The following ITGA1 variants were observed in gnomAD, a reference collection of about 807,000 sequenced individuals.
The protein encoded by ITGA1 is integrin alpha-1.
In ITGA1, 85 loss-of-function variants were observed where a neutral mutation model predicts 145.9. The observed-to-expected ratio is 0.58, with a 90% CI of 0.49 to 0.70. The LOEUF (loss-of-function observed/expected upper bound fraction) is 0.70, where lower values mean the gene tolerates loss of function less well. ITGA1 is among the 30% of genes least tolerant of loss of function. The pLI, the probability that ITGA1 is intolerant of heterozygous loss-of-function variation, is 0.00. For synonymous variants in ITGA1, 520 were observed against 495.3 expected (o/e 1.05, Z -0.66); for missense variants, 1,351 against 1,418.7 (o/e 0.95, Z 0.77).
chr5:52,832,837 G>GGT (rs1554042295), intron 1 of ITGA1, among the ~76,000 whole-genome samples: 1 of 141,042 alleles, frequency 7.1e-6, no homozygotes, highest in Non-Finnish European at 1.5e-5. Flanking sequence ...TCTCAAAAGA[G>GGT]TTTTTTTTTG....
chr5:52,952,137 C>T (rs1211698548), intron 28 of ITGA1, among the ~76,000 whole-genome samples: 6 of 147,842 alleles, frequency 4.1e-5, no homozygotes, highest in African/African-American at 7.5e-5. Flanking sequence ...TTGCAGTGAG[C>T]GGAGATCACG....
At chr5:52,908,121 G>A (rs1429811454) in intron 12 of ITGA1, among the ~76,000 whole-genome samples, 1 of 152,182 alleles carries the variant, frequency 6.6e-6, no homozygotes, top group Non-Finnish European at 1.5e-5. Flanking sequence ...GAGAGTTGGG[G>A]AAGAAGCCAG....
At chr5:52,922,184 C>T (rs1750740162) in intron 17 of ITGA1, among the ~76,000 whole-genome samples, 1 of 119,788 alleles carries the variant, frequency 8.3e-6, no homozygotes, top group Non-Finnish European at 2.0e-5. Context: ...GCCTGTAATC[C>T]CAGCTAGTCG....
chr5:52,907,913 CA>C (rs1218481179), intron 12 of ITGA1, among the ~76,000 whole-genome samples: 1 of 152,168 alleles, frequency 6.6e-6, no homozygotes. Context: ...GAGAAAAGTG[CA>C]TTCAAAAGTC....
chr5:52,936,988 C>A, intron 23 of ITGA1, among the ~76,000 whole-genome samples: 1 of 148,690 alleles, frequency 6.7e-6, no homozygotes. Context: ...GTAAAGGCAA[C>A]CAAAAATCTA....
chr5:52,886,725 T>TG (rs1750055636), intron 7 of ITGA1, among the ~76,000 whole-genome samples: 1 of 152,218 alleles, frequency 6.6e-6, no homozygotes, highest in African/African-American at 2.4e-5. Context: ...TTTCCCTGTC[T>TG]TCTGTTTCTT....
intron 1 of ITGA1, among the ~76,000 whole-genome samples, chr5:52,819,562 A>G (rs1748833872): frequency 6.6e-6 from 1 of 152,052 alleles, no homozygotes; most frequent in South Asian, 2.1e-4. Context: ...TTGTCAGATG[A>G]GTAGATTGCA....
intron 26 of ITGA1, among the ~76,000 whole-genome samples, chr5:52,942,531 AG>A (rs1478570273): frequency 7.8e-6 from 1 of 128,568 alleles, no homozygotes; most frequent in African/African-American, 3.2e-5. Flanking sequence ...CTGTAAATGG[AG>A]TTTTTTTTTT....
intron 1 of ITGA1, among the ~76,000 whole-genome samples, chr5:52,824,043 C>T (rs970154066): frequency 1.3e-5 from 2 of 152,044 alleles, no homozygotes; most frequent in African/African-American, 2.4e-5. Flanking sequence ...GTTTTATGTT[C>T]TCATACTTAA....
intron 27 of ITGA1, among the ~76,000 whole-genome samples, chr5:52,945,669 A>T (rs1324363308): frequency 1.3e-5 from 2 of 152,192 alleles, no homozygotes; most frequent in Admixed American, 1.3e-4. Context: ...ACATGCAGGC[A>T]CTTCAGCATG....
At chr5:52,820,396 T>G (rs1748857897) in intron 1 of ITGA1, among the ~76,000 whole-genome samples, 1 of 130,186 alleles carries the variant, frequency 7.7e-6, no homozygotes, top group Non-Finnish European at 1.6e-5. Flanking sequence ...GGGGGAGGGA[T>G]AGCATTAGGA....
chr5:52,886,331 A>G (rs2111811923), intron 7 of ITGA1, among the ~76,000 whole-genome samples: 2 of 152,358 alleles, frequency 1.3e-5, no homozygotes, highest in Middle Eastern at 3.4e-3. Context: ...AAGTCATCAC[A>G]TAGAATCCTT....
At chr5:52,835,470 CA>C (rs1423628708) in intron 1 of ITGA1, among the ~76,000 whole-genome samples, 1 of 152,064 alleles carries the variant, frequency 6.6e-6, no homozygotes, top group East Asian at 1.9e-4. Flanking sequence ...AAAACTTTAG[CA>C]GAAGTTCGAT....
At chr5:52,860,942 T>C (rs190157085) in intron 2 of ITGA1, among the ~76,000 whole-genome samples, 2 of 152,360 alleles carry the variant, frequency 1.3e-5, no homozygotes, top group East Asian at 3.9e-4. Flanking sequence ...TTAAATCTTA[T>C]GATGTTCCAA....
At chr5:52,880,409 C>G (rs535953275) in intron 6 of ITGA1, among the ~76,000 whole-genome samples, 1 of 152,278 alleles carries the variant, frequency 6.6e-6, no homozygotes, top group South Asian at 2.1e-4. Context: ...GAGGGTAACT[C>G]AAAGATGATA....
chr5:52,817,383 T>C (rs1748794197), intron 1 of ITGA1, among the ~76,000 whole-genome samples: 1 of 152,124 alleles, frequency 6.6e-6, no homozygotes, highest in African/African-American at 2.4e-5. Context: ...TATGAAATCT[T>C]TCTGTAAGTA....
chr5:52,890,269 T>C (rs899418442), intron 8 of ITGA1, among the ~76,000 whole-genome samples: 1 of 152,208 alleles, frequency 6.6e-6, no homozygotes, highest in Non-Finnish European at 1.5e-5. Context: ...AAAAAATAAA[T>C]TTTAAGAATA....
chr5:52,920,511 A>G (rs753104399), intron 17 of ITGA1, 43 bp downstream of exon 17: 1 of 1,461,000 alleles, frequency 6.8e-7, no homozygotes, highest in Non-Finnish European at 9.2e-7. Context: ...CCAAATCAAG[A>G]ATACAGTAGA....
chr5:52,950,217 T>C (rs1751197831), intron 28 of ITGA1, among the ~76,000 whole-genome samples: 1 of 152,158 alleles, frequency 6.6e-6, no homozygotes, highest in Non-Finnish European at 1.5e-5. Context: ...CCAGGAGCCA[T>C]GAGAGACTCA....
Sources: gnomAD v4.1 joint callset for allele counts (sites outside exome capture counted in the v4.1 genomes callset) on GRCh38, gnomAD v4.1.1 for gene constraint, MANE v1.5 for transcripts, NCBI Gene and HGNC (gene_info 2026-07-23, HGNC 2026-07-21) for gene names.